CADM2: variants seen among roughly 807,000 people sequenced by gnomAD.
The protein encoded by CADM2 is immunoglobulin superfamily member 4D.
CADM2 carries 12 observed loss-of-function variants against 49.8 expected under a neutral mutation model. The ratio of observed to expected loss-of-function variants is 0.24; its 90% CI spans 0.15 to 0.39. CADM2 has a LOEUF of 0.39. Among genes scored for constraint, CADM2 ranks in the 10% least tolerant of loss-of-function variants. CADM2 has a pLI of 1.00. For synonymous variants in CADM2, 214 were observed against 175.4 expected, an observed-to-expected ratio of 1.22 and a Z score of -1.74; for missense variants, 378 against 492.3, an observed-to-expected ratio of 0.77 and a Z score of 2.20.
intron 3 of CADM2, among the ~76,000 whole-genome samples, chr3:85,843,562 G>A (rs2074737170): frequency 6.6e-6 from 1 of 151,726 alleles, no homozygotes; most frequent in Non-Finnish European, 1.5e-5. Flanking sequence ...ATTTATATGA[G>A]GTTTTGTAAC....
rs1269651760 is a variant in CADM2 at position 85,017,416 on chromosome 3, T to TA, written c.61+57752dup. ...AGCTCGAGGTACCTTTGCATGAAGC[T>TA]AAAACTGTGATCTGATGAAGCAATA... On this transcript the variant is annotated intron_variant, in intron 1 of 9. Coordinates refer to ENST00000383699, the MANE Select transcript of CADM2 (RefSeq NM_001167675.2). 2.6e-5 allele frequency among the ~76,000 whole-genome samples: 4 copies of TA among 152,208 alleles called. No individual in the cohort carries two copies. In the East Asian group the frequency reaches 7.7e-4, roughly 29 times the overall value.
At chr3:85,274,773 A>T (rs952914813) in intron 1 of CADM2, among the ~76,000 whole-genome samples, 2 of 151,494 alleles carry the variant, frequency 1.3e-5, no homozygotes, top group Non-Finnish European at 3.0e-5. Context: ...GGAGCATCTG[A>T]AAAAGGAATT....
In CADM2 at chr3:85,480,906, ATTCT is replaced by A. The variant is rs555218020; in HGVS notation, c.62-245610_62-245607del. ...CACTTTATTTGGGGTTATCCTTAAA[ATTCT>A]TTCTTAAGAATATTTATATGAATAA... On this transcript the variant is annotated intron_variant, in intron 1 of 9. Coordinates refer to ENST00000383699, the MANE Select transcript of CADM2 (RefSeq NM_001167675.2). Among the ~76,000 whole-genome samples, 226 of 151,842 alleles carry A rather than the reference ATTCT, an allele frequency of 1.5e-3. 2 individuals carry two copies. The highest frequency in any genetic ancestry group is 5.1e-3 in the African/African-American group (213 of 41,504).
At chr3:85,967,424 G>T (rs1202553310) in intron 8 of CADM2, among the ~76,000 whole-genome samples, 1 of 151,436 alleles carries the variant, frequency 6.6e-6, no homozygotes, top group Non-Finnish European at 1.5e-5. Context: ...CCTAAATTTA[G>T]CAAAATAATA....
chr3:85,219,683 T>C (rs551093561), intron 1 of CADM2, among the ~76,000 whole-genome samples: 1 of 149,296 alleles, frequency 6.7e-6, no homozygotes, highest in Admixed American at 6.6e-5. Flanking sequence ...GACCTTGATA[T>C]TGATTTTTAA....
At chr3:85,841,706 A>G (rs945733559) in intron 3 of CADM2, among the ~76,000 whole-genome samples, 6 of 152,046 alleles carry the variant, frequency 3.9e-5, no homozygotes, top group Non-Finnish European at 7.4e-5. Context: ...ATTTCTTTGG[A>G]TTAACAGACT....
chr3:85,855,891 G>A (rs1182129350), intron 3 of CADM2, among the ~76,000 whole-genome samples: 1 of 151,986 alleles, frequency 6.6e-6, no homozygotes, highest in Non-Finnish European at 1.5e-5. Context: ...CTCCGAAAGT[G>A]CTGGGATTAC....
At chr3:85,419,151 C>A (rs996621327) in intron 1 of CADM2, among the ~76,000 whole-genome samples, 2 of 152,066 alleles carry the variant, frequency 1.3e-5, no homozygotes, top group Non-Finnish European at 2.9e-5. Context: ...TGACCACATT[C>A]TTTGAATAAA....
At chr3:85,159,800 A>G (rs1467620576) in intron 1 of CADM2, among the ~76,000 whole-genome samples, 1 of 152,150 alleles carries the variant, frequency 6.6e-6, no homozygotes, top group Admixed American at 6.6e-5. Context: ...TTTATAATTC[A>G]TACCATTTAC....
At chr3:85,659,640 T>G (rs2065337755) in intron 1 of CADM2, among the ~76,000 whole-genome samples, 1 of 152,146 alleles carries the variant, frequency 6.6e-6, no homozygotes, top group Non-Finnish European at 1.5e-5. Context: ...TAGCATTTAT[T>G]TTTACTAATA....
chr3:85,391,027 T>C (rs2034493213), intron 1 of CADM2, among the ~76,000 whole-genome samples: 2 of 152,148 alleles, frequency 1.3e-5, no homozygotes, highest in Non-Finnish European at 1.5e-5. Context: ...TGGTTTAATT[T>C]GTTTTAATGT....
At chr3:85,537,490 TTGTTTGTGTG>T (rs56745863) in intron 1 of CADM2, among the ~76,000 whole-genome samples, 77,378 of 133,958 alleles carry the variant, frequency 0.58, 22,784 homozygotes, top group East Asian at 0.86. Context: ...GCATGCATGG[TTGTTTGTGTG>T]TGTGTGTGTG....
At chr3:85,447,007 T>TGCCAAC (rs1218802653) in intron 1 of CADM2, among the ~76,000 whole-genome samples, 1 of 134,734 alleles carries the variant, frequency 7.4e-6, no homozygotes, top group Non-Finnish European at 1.6e-5. Flanking sequence ...TATATATATA[T>TGCCAAC]ATATATATAT....
chr3:85,062,134 C>T (rs2036354250), intron 1 of CADM2, among the ~76,000 whole-genome samples: 1 of 151,136 alleles, frequency 6.6e-6, no homozygotes. Context: ...TATATCCAAA[C>T]TCTTGCTTCC....
At chr3:85,145,264 T>C (rs919491289) in intron 1 of CADM2, among the ~76,000 whole-genome samples, 13 of 152,204 alleles carry the variant, frequency 8.5e-5, no homozygotes, top group Non-Finnish European at 1.8e-4. Context: ...GCTTGAATAG[T>C]GCTTGTTTTG....
At chr3:85,781,932 G>A (rs983985507) in intron 2 of CADM2, among the ~76,000 whole-genome samples, 3 of 152,298 alleles carry the variant, frequency 2.0e-5, no homozygotes, top group Non-Finnish European at 2.9e-5. Flanking sequence ...TACTGTAAAT[G>A]TTATGCACAG....
chr3:85,120,315 C>G (rs2038807245), intron 1 of CADM2, among the ~76,000 whole-genome samples: 1 of 152,126 alleles, frequency 6.6e-6, no homozygotes, highest in African/African-American at 2.4e-5. Context: ...CCATTTGACC[C>G]AGCAATCCCA....
chr3:85,553,042 A>G lies in CADM2; in HGVS notation c.62-173480A>G, dbSNP rs185779814. Among the ~76,000 whole-genome samples the G allele has an allele frequency of 1.7e-3, 259 of 152,250 alleles. 1 individual carries two copies. Among genetic ancestry groups the G allele is most frequent in the Admixed American group, 2.6e-3 (39 of 15,282 alleles). On this transcript the variant is annotated intron_variant, in intron 1 of 9. Coordinates refer to ENST00000383699, the MANE Select transcript of CADM2 (RefSeq NM_001167675.2). ...ACATATGTCTTGGTGTATGTAGTCA[A>G]TTTTTTAAAATTTAATTTATTATGT...
chr3:85,624,044 A>C (rs1320432643), intron 1 of CADM2, among the ~76,000 whole-genome samples: 1 of 152,136 alleles, frequency 6.6e-6, no homozygotes, highest in Admixed American at 6.6e-5. Flanking sequence ...CTTTAAAATA[A>C]AATATTCATA....
Sources: allele counts gnomAD v4.1 joint callset (sites outside exome capture counted in the v4.1 genomes callset), GRCh38; gene constraint gnomAD v4.1.1; transcripts MANE v1.5; gene names NCBI Gene and HGNC (gene_info 2026-07-23, HGNC 2026-07-21).